The following CHD3 variants were observed in gnomAD, a reference collection of about 807,000 sequenced individuals.
The protein encoded by CHD3 is chromodomain helicase DNA binding protein 3.
A neutral mutation model predicts 248.9 loss-of-function variants in CHD3; 52 were observed. The ratio of observed to expected loss-of-function variants is 0.21; its 90% CI spans 0.17 to 0.26. The LOEUF (loss-of-function observed/expected upper bound fraction) is 0.26. Among genes scored for constraint, CHD3 ranks in the 10% least tolerant of loss-of-function variants. CHD3 has a pLI of 1.00. For missense variants in CHD3, 1,482 were observed against 2,605.8 expected (o/e 0.57, Z 9.39); for synonymous variants, 985 against 985.2 (o/e 1.00, Z 0.00).
chr17:7,888,664 C>G (rs937068376), upstream of CHD3: 2 of 328,342 alleles, frequency 6.1e-6, no homozygotes, highest in Non-Finnish European at 9.9e-6. Context: ...AGGGACCTAT[C>G]CCTGCTGAAG....
In CHD3 at chr17:7,907,317, C is replaced by T. The variant is rs1480460373; in HGVS notation, c.4789-36C>T. 2 of 1,611,454 alleles carry T rather than the reference C, an allele frequency of 1.2e-6. No individual in the cohort carries two copies. Among genetic ancestry groups the T allele is most frequent in the Non-Finnish European group, 1.7e-6 (2 of 1,178,666 alleles). On this transcript the variant is annotated intron_variant, in intron 31 of 39. Coordinates refer to ENST00000330494, the MANE Select transcript of CHD3 (RefSeq NM_001005273.3). This position sits in a 1 kb window ranked among gnomAD's most constrained non-coding sequence, Gnocchi z 4.3. Reference sequence around the variant, plus strand: ...GCTTGGAGGCCAGGTACCTGGGAGCCCTCTGGCTCATCCTGACCCCATTGT... The same window carrying T: ...GCTTGGAGGCCAGGTACCTGGGAGCTCTCTGGCTCATCCTGACCCCATTGT...
At chr17:7,894,682 C>A in intron 8 of CHD3, 74 bp downstream of exon 8, 1 of 1,489,764 alleles carries the variant, frequency 6.7e-7, no homozygotes, top group Non-Finnish European at 9.2e-7. Flanking sequence ...TTCACTTACC[C>A]TCTTCCTGCC....
chr17:7,886,049 G>A (rs918823502), upstream of CHD3, among the ~76,000 whole-genome samples: 10 of 152,152 alleles, frequency 6.6e-5, no homozygotes, highest in African/African-American at 2.2e-4. The surrounding 1 kb of genome is among the most constrained non-coding windows in gnomAD (Gnocchi z 4.2). Flanking sequence ...CGTCAGTCTG[G>A]GGTGGCCAAG....
upstream of CHD3, among the ~76,000 whole-genome samples, chr17:7,888,434 CCT>C (rs1273953410): frequency 2.0e-5 from 3 of 152,202 alleles, no homozygotes; most frequent in Non-Finnish European, 2.9e-5. Context: ...GCATCGGCTG[CCT>C]CTCTCTGTAC....
At chr17:7,893,965 C>T (rs764034469) in intron 6 of CHD3, 30 bp downstream of exon 6, 17 of 1,612,622 alleles carry the variant, frequency 1.1e-5, no homozygotes, top group Non-Finnish European at 1.4e-5. Context: ...CTACTAAACA[C>T]CTGGGGGCCA....
rs777898658 is a variant in CHD3, at chr17:7,904,119, C to T, written c.3894+128C>T. 13 of 955,670 alleles carry T rather than the reference C, an allele frequency of 1.4e-5. No homozygotes were observed. The highest frequency in any genetic ancestry group is 2.0e-5 in the Non-Finnish European group (13 of 641,720). The allele number at this position is 955,670 out of a possible 1,614,324, so 59.2% of individuals were successfully genotyped here. ...AGTAGTGGACCTCAAACAACTTCTT[C>T]GTCTAATAGGTGAGACTGGACTTCA... is the stretch of plus-strand genomic sequence containing the variant. On this transcript the variant is annotated intron_variant, in intron 24 of 39. Transcript: ENST00000330494. The surrounding 1 kb of genome is among the most constrained non-coding windows in gnomAD (Gnocchi z 4.4).
At position 7,906,520 on chromosome 17, in the gene CHD3, C is replaced by T; in HGVS notation, c.4359-33C>T. Reference sequence around the variant, plus strand: ...CTGCCCTATACCCCTTCTGTGGCTCCCCTAACCCTCCTCCCACTCCCATGC... The same window carrying T: ...CTGCCCTATACCCCTTCTGTGGCTCTCCTAACCCTCCTCCCACTCCCATGC... On this transcript the variant is annotated intron_variant, in intron 28 of 39. Coordinates refer to ENST00000330494, the MANE Select transcript of CHD3 (RefSeq NM_001005273.3). The surrounding 1 kb of genome is among the most constrained non-coding windows in gnomAD (Gnocchi z 5.0). 1 of 1,612,460 alleles carries T rather than the reference C, an allele frequency of 6.2e-7. No individual in the cohort carries two copies. The highest frequency in any genetic ancestry group is 8.5e-7 in the Non-Finnish European group (1 of 1,179,518).
upstream of CHD3, chr17:7,888,735 C>G: frequency 1.8e-6 from 2 of 1,116,870 alleles, no homozygotes; most frequent in Non-Finnish European, 2.3e-6. Context: ...TGGGTGCGCG[C>G]GTGCGCGCGC....
rs1969163640 is a variant in CHD3 at position 7,893,430 on chromosome 17, A to C, written c.654A>C (p.Ala218=). The C allele has an allele frequency of 6.2e-7, 1 of 1,610,954 alleles. No homozygotes were observed. Among genetic ancestry groups the C allele is most frequent in the African/African-American group, 1.3e-5 (1 of 74,832 alleles). The change falls in exon 5 of 40, where the codon GCA becomes GCC. Residue 218 remains alanine, a synonymous_variant. Transcript: ENST00000330494. ...CGGCGGCAGCGGCAGCAGCAGCAGC[A>C]GCTGTAGCTGAGCAGGTGTCAGCTG... is the stretch of plus-strand genomic sequence containing the variant. ...AVAAAAAAAA[A]AVAEQVSAAV...
upstream of CHD3, among the ~76,000 whole-genome samples, chr17:7,887,301 C>G (rs1597905373): frequency 6.6e-6 from 1 of 152,278 alleles, no homozygotes; most frequent in East Asian, 1.9e-4. Flanking sequence ...AATTTTATCC[C>G]TTCCCCCTCT....
At position 7,908,993 on chromosome 17, in the gene CHD3, G is replaced by A; in HGVS notation, c.5395-150G>A. ...TGCTTGGGAGTGTGATCTGGGTCAG[G>A]GTTGCTGCTAGGTTCGCAGTCGGTT... On this transcript the variant is annotated intron_variant, in intron 36 of 39. Transcript: ENST00000330494. This position sits in a 1 kb window ranked among gnomAD's most constrained non-coding sequence, Gnocchi z 5.8. The A allele has an allele frequency of 7.2e-7, 1 of 1,382,814 alleles. No individual in the cohort carries two copies. The highest frequency in any genetic ancestry group is 1.3e-5 in the South Asian group (1 of 75,008). The allele number at this position is 1,382,814 out of a possible 1,614,324, so 85.7% of individuals were successfully genotyped here. A position where few individuals can be genotyped will look rare whatever the true frequency, so the allele number is the denominator to read the frequency against.
In CHD3 at chr17:7,907,663, G is replaced by A. The variant is rs760647788; in HGVS notation, c.4987G>A (p.Glu1663Lys). ...GCCGTTGGATGGACAGGAACACAGG[G>A]AGAGGCCGGAGGGGGAAACAGGGGA... The part of the protein sequence containing the change: ...EKPLDGQEHR[E>K]RPEGETGDLG... Residue 1663 changes from glutamate to lysine, a missense_variant, in exon 33 of 40, where the codon GAG (glutamate) becomes AAG (lysine). Coordinates refer to ENST00000330494, the MANE Select transcript of CHD3 (RefSeq NM_001005273.3). The surrounding 1 kb of genome is among the most constrained non-coding windows in gnomAD (Gnocchi z 4.3). 1.3e-6 allele frequency: 2 copies of A among 1,535,428 alleles called. No individual in the cohort carries two copies. The highest frequency in any genetic ancestry group is 1.7e-6 in the Non-Finnish European group (2 of 1,148,494).
Position 7,895,446 on chromosome 17 carries a change from A to AC in CHD3, c.1618dup (p.Arg540ProfsTer47), listed in dbSNP as rs747299117. 1.2e-6 allele frequency: 2 copies of AC among 1,612,728 alleles called. No individual in the cohort carries two copies. The highest frequency in any genetic ancestry group is 1.7e-6 in the Non-Finnish European group (2 of 1,179,740). On this transcript the variant is annotated frameshift_variant, in exon 10 of 40. Transcript: ENST00000330494. LOFTEE classifies it high-confidence loss of function. This position sits in a 1 kb window ranked among gnomAD's most constrained non-coding sequence, Gnocchi z 4.9. ...AGGCAGATGGAAATCCAGATGTCCC[A>AC]CCCCCCCGTCCTCTTCAAGGCAGAT...
Position 7,909,175 on chromosome 17 carries a change from G to A in CHD3, c.5427G>A (p.Gln1809=). 6.4e-7 allele frequency: 1 copy of A among 1,550,528 alleles called. No homozygotes were observed. Among genetic ancestry groups the A allele is most frequent in the Non-Finnish European group, 8.7e-7 (1 of 1,148,030 alleles). ...LLEQALVIEE[Q]LRRAAYLNLS... ...AGCAGGCGCTGGTGATTGAGGAGCA[G>A]CTGCGGCGGGCGGCCTACCTGAACC... The change falls in exon 37 of 40, where the codon CAG becomes CAA. Residue 1809 remains glutamine (Q), a synonymous_variant. Transcript: ENST00000330494. The surrounding 1 kb of genome is among the most constrained non-coding windows in gnomAD (Gnocchi z 8.1).
Position 7,905,476 on chromosome 17 carries a change from T to G in CHD3, c.4139-145T>G. On this transcript the variant is annotated intron_variant, in intron 26 of 39. Coordinates refer to ENST00000330494, the MANE Select transcript of CHD3 (RefSeq NM_001005273.3). The surrounding 1 kb of genome is among the most constrained non-coding windows in gnomAD (Gnocchi z 5.8). ...TTTAGACTTAGTGGGTTAGTAGTTC[T>G]GAAGTGCTTGGGAGAGAATTGGGAG... 1 of 667,466 alleles carries G rather than the reference T, an allele frequency of 1.5e-6. No homozygotes were observed. The allele number at this position is 667,466 out of a possible 1,614,324, so 41.3% of individuals were successfully genotyped here.
chr17:7,899,203 G>A lies in CHD3; in HGVS notation c.2343+1G>A. ...CTTCCTCTACTCACTCTACAAGGAG[G>A]TGCTGGATTCTAGGACCTTGAAGGG... On this transcript the variant is annotated splice_donor_variant, in intron 14 of 39. Transcript: ENST00000330494. LOFTEE classifies it high-confidence loss of function. The surrounding 1 kb of genome is among the most constrained non-coding windows in gnomAD (Gnocchi z 6.8). 6.2e-7 allele frequency: 1 copy of A among 1,612,464 alleles called. No individual in the cohort carries two copies. The highest frequency in any genetic ancestry group is 8.5e-7 in the Non-Finnish European group (1 of 1,178,750).
At chr17:7,893,207 G>C (rs1373258188) in intron 4 of CHD3, 79 bp from the exon 5 acceptor site, 9 of 1,476,206 alleles carry the variant, frequency 6.1e-6, no homozygotes, top group Non-Finnish European at 8.1e-6. Flanking sequence ...CATGTACATA[G>C]ATTTAATTGA....
Position 7,910,155 on chromosome 17 carries a change from T to C in CHD3, c.5591-273T>C. ...CCCCCCATCTTCCTTTCCTCCATGC[T>C]CCCTTTTTCTTTCTTCTTTCTCTCC... On this transcript the variant is annotated intron_variant, in intron 37 of 39. Transcript: ENST00000330494. This position sits in a 1 kb window ranked among gnomAD's most constrained non-coding sequence, Gnocchi z 4.7. 4 of 304,202 alleles carry C rather than the reference T, an allele frequency of 1.3e-5. No homozygotes were observed. Among genetic ancestry groups the C allele is most frequent in the Non-Finnish European group, 1.2e-5 (2 of 162,030 alleles). 18.8% of individuals were successfully genotyped at this position (304,202 alleles called of 1,614,324 possible). A position where few individuals can be genotyped will look rare whatever the true frequency, so the allele number is the denominator to read the frequency against.
rs1302884328 is a variant in CHD3, at chr17:7,911,057, C to T, written c.5881+84C>T. ...TCTGCTCAGCTGCCCTTTAACTGCT[C>T]TAGTCCATCTCATTTCCTTGGTGGT... On this transcript the variant is annotated intron_variant, in intron 39 of 39. Transcript: ENST00000330494. The surrounding 1 kb of genome is among the most constrained non-coding windows in gnomAD (Gnocchi z 5.4). The T allele has an allele frequency of 2.6e-6, 4 of 1,553,976 alleles. No homozygotes were observed. Among genetic ancestry groups the T allele is most frequent in the Non-Finnish European group, 2.6e-6 (3 of 1,137,794 alleles).
Sources: allele counts gnomAD v4.1 joint callset (sites outside exome capture counted in the v4.1 genomes callset), GRCh38; gene constraint gnomAD v4.1.1; non-coding constraint Gnocchi (gnomAD v3.1); transcripts MANE v1.5; gene names NCBI Gene and HGNC (gene_info 2026-07-23, HGNC 2026-07-21).